Variants in ERICH1 observed in about 807,000 individuals in gnomAD.
ERICH1 encodes glutamate-rich protein 1.
In ERICH1, 56 loss-of-function variants were observed where a neutral mutation model predicts 39.6. That is an observed-to-expected ratio of 1.41 (90% CI 1.14 to 1.77). ERICH1 has a LOEUF of 1.77. Among genes scored for constraint, ERICH1 ranks in the 40% most tolerant of loss-of-function variants. The pLI is 0.00. For synonymous variants in ERICH1, 313 were observed against 223.6 expected, an observed-to-expected ratio of 1.40 and a Z score of -3.57; for missense variants, 826 against 575.4, an observed-to-expected ratio of 1.44 and a Z score of -4.45.
At chr8:655,832 C>G (rs1420541900) in intron 3 of ERICH1, among the ~76,000 whole-genome samples, 1 of 152,118 alleles carries the variant, frequency 6.6e-6, no homozygotes, top group Admixed American at 6.6e-5. Context: ...TCATTTTTAA[C>G]TCACGACCAC....
chr8:704,977 T>C (rs1789465207), intron 2 of ERICH1, among the ~76,000 whole-genome samples: 2 of 152,218 alleles, frequency 1.3e-5, no homozygotes, highest in Non-Finnish European at 2.9e-5. Flanking sequence ...AAGTTCAATA[T>C]GGGCTCTTCA....
At chr8:720,257 G>T (rs1010817634) in intron 1 of ERICH1, among the ~76,000 whole-genome samples, 1 of 152,160 alleles carries the variant, frequency 6.6e-6, no homozygotes. Flanking sequence ...AGGTGCCCAC[G>T]AGGAAGGACG....
chr8:724,333 G>A lies in ERICH1; in HGVS notation c.22+6807C>T, dbSNP rs139119756. Among the ~76,000 whole-genome samples, 1,385 of 152,304 alleles carry A rather than the reference G, an allele frequency of 9.1e-3. 13 individuals are homozygous for A. The highest frequency in any genetic ancestry group is 0.013 in the Non-Finnish European group (888 of 68,022). On this transcript the variant is annotated intron_variant, in intron 1 of 5. Coordinates refer to ENST00000262109, the MANE Select transcript of ERICH1 (RefSeq NM_207332.3). ...TCTACAAATAAAAAAGGAGAAGAAA[G>A]AAAATATTCCACGCAAACTTTGCCC... is the stretch of plus-strand genomic sequence containing the variant.
intron 3 of ERICH1, among the ~76,000 whole-genome samples, chr8:623,006 C>G (rs1468814696): frequency 7.2e-6 from 1 of 138,670 alleles, no homozygotes; most frequent in African/African-American, 2.7e-5. Context: ...CTAATCAATA[C>G]CAATACTGTC....
intron 3 of ERICH1, among the ~76,000 whole-genome samples, chr8:642,076 A>T (rs1799052671): frequency 6.6e-6 from 1 of 152,210 alleles, no homozygotes; most frequent in Non-Finnish European, 1.5e-5. Context: ...AGGAGATCTT[A>T]GGGAAGGCCC....
At chr8:726,637 C>G (rs900541007) in intron 1 of ERICH1, among the ~76,000 whole-genome samples, 2 of 151,194 alleles carry the variant, frequency 1.3e-5, no homozygotes, top group African/African-American at 4.9e-5. Context: ...GGTGAACACA[C>G]AGACACACAT....
At chr8:668,158 C>G (rs563214975) in intron 5 of ERICH1, 26 of 257,694 alleles carry the variant, frequency 1.0e-4, no homozygotes, top group African/African-American at 5.8e-4. Context: ...CAGCACACAA[C>G]AGTTTGCATG....
chr8:700,171 G>A (rs564873878), intron 2 of ERICH1, among the ~76,000 whole-genome samples: 15 of 49,558 alleles, frequency 3.0e-4, no homozygotes, highest in South Asian at 7.9e-4. Flanking sequence ...ACGCGCACAG[G>A]CCCGCACAGG....
In ERICH1 at chr8:664,225, C is replaced by G. The variant is rs1291402889; in HGVS notation, c.*378G>C. 9.1e-6 allele frequency: 9 copies of G among 992,274 alleles called. No individual in the cohort carries two copies. The highest frequency in any genetic ancestry group is 1.1e-5 in the Non-Finnish European group (9 of 834,674). 61.5% of individuals were successfully genotyped at this position (992,274 alleles called of 1,614,324 possible). A position where few individuals can be genotyped will look rare whatever the true frequency, so the allele number is the denominator to read the frequency against. On this transcript the variant is annotated 3_prime_UTR_variant, in exon 6 of 6. Transcript: ENST00000262109. ...TACTTAAACTAGAACATTTTAATAC[C>G]CAGAAAGCATTCTTAAAGCAGAGAC...
At chr8:716,339 C>T (rs1215099258) in intron 1 of ERICH1, among the ~76,000 whole-genome samples, 1 of 152,266 alleles carries the variant, frequency 6.6e-6, no homozygotes, top group Non-Finnish European at 1.5e-5. Flanking sequence ...CTGTGAGGTT[C>T]AGGCACATGC....
At chr8:626,016 G>C (rs894403954) in intron 3 of ERICH1, 1 of 152,168 alleles carries the variant, frequency 6.6e-6, no homozygotes, top group South Asian at 2.1e-4. Context: ...TTCTACAATA[G>C]AAAATATACT....
At chr8:671,510 C>T (rs1803394846) in intron 4 of ERICH1, among the ~76,000 whole-genome samples, 1 of 145,054 alleles carries the variant, frequency 6.9e-6, no homozygotes, top group African/African-American at 2.6e-5. Flanking sequence ...TGTCTGTGCT[C>T]ACTGGGCTCC....
chr8:729,833 T>C (rs1819595903), intron 1 of ERICH1, among the ~76,000 whole-genome samples: 1 of 151,752 alleles, frequency 6.6e-6, no homozygotes, highest in Admixed American at 6.6e-5. Flanking sequence ...TTAAGTTGAT[T>C]AGGTACATTA....
downstream of ERICH1, among the ~76,000 whole-genome samples, chr8:663,531 G>A (rs1181339690): frequency 1.3e-5 from 2 of 151,314 alleles, no homozygotes; most frequent in Admixed American, 6.6e-5. Flanking sequence ...CGGGACAGGC[G>A]GGACAGGCAG....
chr8:683,427 G>T (rs1196241196), intron 3 of ERICH1, among the ~76,000 whole-genome samples: 4 of 152,220 alleles, frequency 2.6e-5, no homozygotes, highest in Non-Finnish European at 4.4e-5. Context: ...GGTCAGCCGT[G>T]AGGGTCAGCA....
At chr8:697,410 C>T (rs1425695814) in intron 2 of ERICH1, among the ~76,000 whole-genome samples, 1 of 152,146 alleles carries the variant, frequency 6.6e-6, no homozygotes, top group African/African-American at 2.4e-5. Context: ...AAAACCAGGG[C>T]CCACGATGCA....
intron 2 of ERICH1, among the ~76,000 whole-genome samples, chr8:699,716 C>A (rs1302059468): frequency 6.9e-6 from 1 of 145,406 alleles, no homozygotes; most frequent in African/African-American, 2.8e-5. Context: ...GACCCGCACA[C>A]GTGCACAGAC....
chr8:677,501 C>T (rs1044858223), intron 3 of ERICH1, among the ~76,000 whole-genome samples: 1 of 152,202 alleles, frequency 6.6e-6, no homozygotes, highest in Non-Finnish European at 1.5e-5. Context: ...CCTCACTCAC[C>T]AGTGGGTGTT....
At chr8:638,684 T>G (rs971762906) in intron 3 of ERICH1, among the ~76,000 whole-genome samples, 1 of 152,326 alleles carries the variant, frequency 6.6e-6, no homozygotes, top group Non-Finnish European at 1.5e-5. Flanking sequence ...TCTCCTGCCT[T>G]ATGATAGCTA....
Sources: gnomAD v4.1 joint callset for allele counts (sites outside exome capture counted in the v4.1 genomes callset) on GRCh38, gnomAD v4.1.1 for gene constraint, MANE v1.5 for transcripts, NCBI Gene and HGNC (gene_info 2026-07-23, HGNC 2026-07-21) for gene names.